Variants in TAFA1 observed in about 807,000 individuals in gnomAD.
The protein encoded by TAFA1 is TAFA chemokine like family member 1.
A neutral mutation model predicts 18.5 loss-of-function variants in TAFA1; 4 were observed. The observed-to-expected ratio is 0.22, with a 90% CI of 0.11 to 0.49. The LOEUF is 0.49. Ranked by LOEUF, TAFA1 falls within the 20% of genes least tolerant of loss-of-function variation. The pLI is 0.98. For synonymous variants in TAFA1, 56 were observed against 55.2 expected (o/e 1.01, Z -0.06); for missense variants, 147 against 169.0 (o/e 0.87, Z 0.72).
At chr3:68,105,395 G>T (rs1250605080) in intron 2 of TAFA1, among the ~76,000 whole-genome samples, 1 of 152,136 alleles carries the variant, frequency 6.6e-6, no homozygotes, top group Non-Finnish European at 1.5e-5. Context: ...ACTCTAAAAT[G>T]TTCAGCCAGT....
intron 2 of TAFA1, among the ~76,000 whole-genome samples, chr3:68,357,982 C>A (rs915956281): frequency 6.6e-6 from 1 of 151,956 alleles, no homozygotes; most frequent in African/African-American, 2.4e-5. Context: ...CATGTTGCTT[C>A]ATGTGCCTTC....
At position 68,132,468 on chromosome 3, in the gene TAFA1, G is replaced by C. The variant is rs543474062; in HGVS notation, c.118+125724G>C. ...GAATCACCACACTGTCTTCCACAAT[G>C]GTTGAACTAATTTACACTCCCACCA... is the stretch of plus-strand genomic sequence containing the variant. On this transcript the variant is annotated intron_variant, in intron 2 of 4. Coordinates refer to ENST00000478136, the MANE Select transcript of TAFA1 (RefSeq NM_213609.4). 2.6e-5 allele frequency among the ~76,000 whole-genome samples: 4 copies of C among 152,238 alleles called. No homozygotes were observed. In the East Asian group the frequency reaches 5.8e-4, roughly 22 times the overall value.
intron 3 of TAFA1, among the ~76,000 whole-genome samples, chr3:68,532,197 C>T (rs564755679): frequency 6.6e-6 from 1 of 152,184 alleles, no homozygotes; most frequent in Admixed American, 6.5e-5. Flanking sequence ...TTTTACAGCA[C>T]CCTGAGGTTA....
chr3:68,319,766 C>A (rs549148132), intron 2 of TAFA1, among the ~76,000 whole-genome samples: 1 of 152,250 alleles, frequency 6.6e-6, no homozygotes, highest in Admixed American at 6.5e-5. Flanking sequence ...GTTTAAAATA[C>A]ATGTTTTCAT....
At chr3:68,330,967 C>G (rs1187798572) in intron 2 of TAFA1, among the ~76,000 whole-genome samples, 1 of 151,740 alleles carries the variant, frequency 6.6e-6, no homozygotes, top group African/African-American at 2.4e-5. Context: ...AATAGGTGTT[C>G]AAACAAAAAT....
intron 2 of TAFA1, among the ~76,000 whole-genome samples, chr3:68,254,612 T>C (rs1466400978): frequency 1.3e-5 from 2 of 152,048 alleles, no homozygotes; most frequent in African/African-American, 4.8e-5. Flanking sequence ...CATGCTGTGA[T>C]GCCAAGTTAT....
At chr3:68,235,220 C>T (rs1474447778) in intron 2 of TAFA1, among the ~76,000 whole-genome samples, 8 of 152,168 alleles carry the variant, frequency 5.3e-5, no homozygotes, top group African/African-American at 7.2e-5. Flanking sequence ...TTATTCCAAC[C>T]GATGAATTTT....
chr3:68,092,760 A>T (rs1274402561), intron 2 of TAFA1, among the ~76,000 whole-genome samples: 1 of 152,144 alleles, frequency 6.6e-6, no homozygotes, highest in Non-Finnish European at 1.5e-5. Flanking sequence ...CAGAATAGCA[A>T]TCGCACTCCC....
At chr3:68,514,487 A>G (rs1451200503) in intron 3 of TAFA1, among the ~76,000 whole-genome samples, 2 of 152,144 alleles carry the variant, frequency 1.3e-5, no homozygotes, top group Non-Finnish European at 2.9e-5. Flanking sequence ...CTTGGTTTAA[A>G]TTCTTTCAGG....
chr3:68,382,691 CT>C (rs2069999405), intron 2 of TAFA1, among the ~76,000 whole-genome samples: 1 of 151,676 alleles, frequency 6.6e-6, no homozygotes, highest in Non-Finnish European at 1.5e-5. Flanking sequence ...CCTTTTTGAG[CT>C]TTTTTATGGT....
chr3:68,006,364 G>C, intron 1 of TAFA1: 1 of 432,576 alleles, frequency 2.3e-6, no homozygotes, highest in Non-Finnish European at 4.3e-6. Context: ...CTAACTGATA[G>C]CCTAAAACTT....
chr3:68,306,473 A>G lies in TAFA1; in HGVS notation c.119-110807A>G, dbSNP rs117028481. 2.3e-3 allele frequency among the ~76,000 whole-genome samples: 355 copies of G among 152,154 alleles called. 4 individuals carry two copies. In the East Asian group the frequency reaches 0.035, roughly 15 times the overall value. ...GTTTAGTTTTCACATATTCAGAAAT[A>G]TTCTTTTTAAACTCACATATACAGT... On this transcript the variant is annotated intron_variant, in intron 2 of 4. Coordinates refer to ENST00000478136, the MANE Select transcript of TAFA1 (RefSeq NM_213609.4).
intron 2 of TAFA1, among the ~76,000 whole-genome samples, chr3:68,202,802 T>C (rs2066483336): frequency 1.3e-5 from 2 of 151,742 alleles, no homozygotes; most frequent in Non-Finnish European, 3.0e-5. Context: ...GTAATTGATA[T>C]GTTGTTACTT....
chr3:68,292,424 C>CAA (rs567559598), intron 2 of TAFA1, among the ~76,000 whole-genome samples: 12,234 of 141,072 alleles, frequency 0.087, 885 homozygotes, highest in East Asian at 0.36. Context: ...AAAAAAAAAA[C>CAA]AAAAAAAAAA....
intron 3 of TAFA1, among the ~76,000 whole-genome samples, chr3:68,534,666 T>C (rs2106781719): frequency 6.6e-6 from 1 of 152,276 alleles, no homozygotes; most frequent in East Asian, 1.9e-4. Flanking sequence ...CCTCTTCTTT[T>C]CCCCCTATGA....
intron 3 of TAFA1, among the ~76,000 whole-genome samples, chr3:68,426,842 C>T (rs887524994): frequency 1.3e-5 from 2 of 151,850 alleles, no homozygotes; most frequent in Non-Finnish European, 2.9e-5. Context: ...TGCATTTTCT[C>T]AACAGGATCA....
intron 2 of TAFA1, among the ~76,000 whole-genome samples, chr3:68,101,548 G>A (rs145022379): frequency 6.6e-6 from 1 of 152,084 alleles, no homozygotes; most frequent in African/African-American, 2.4e-5. Context: ...ATGGATGAAG[G>A]TGTGATTTCA....
chr3:68,283,179 A>T (rs1273504704), intron 2 of TAFA1, among the ~76,000 whole-genome samples: 1 of 152,212 alleles, frequency 6.6e-6, no homozygotes, highest in Admixed American at 6.5e-5. Flanking sequence ...AACCCTGCAC[A>T]CAAGCAGGAA....
chr3:68,230,892 T>C (rs1388241302), intron 2 of TAFA1, among the ~76,000 whole-genome samples: 2 of 152,236 alleles, frequency 1.3e-5, no homozygotes. Context: ...TATTTTTATA[T>C]CTGTTGACCA....
Sources: gnomAD v4.1 joint callset for allele counts (sites outside exome capture counted in the v4.1 genomes callset) on GRCh38, gnomAD v4.1.1 for gene constraint, MANE v1.5 for transcripts, NCBI Gene and HGNC (gene_info 2026-07-23, HGNC 2026-07-21) for gene names.